CACNG7: variants seen among roughly 807,000 people sequenced by gnomAD.
The protein encoded by CACNG7 is calcium voltage-gated channel auxiliary subunit gamma 7.
Under a neutral mutation model 26.3 loss-of-function variants are expected in CACNG7, and 9 were observed. The ratio of observed to expected loss-of-function variants is 0.34; its 90% CI spans 0.21 to 0.60. CACNG7 has a LOEUF of 0.60. Ranked by LOEUF, CACNG7 falls within the 20% of genes least tolerant of loss-of-function variation. The pLI, the probability that CACNG7 is intolerant of heterozygous loss-of-function variation, is 0.81. For synonymous variants in CACNG7, 170 were observed against 157.0 expected (o/e 1.08, Z -0.62); for missense variants, 297 against 380.4 (o/e 0.78, Z 1.82).
rs372562422 is a variant in CACNG7 at position 53,936,279 on chromosome 19, G to C, written c.425-5191G>C. Among the ~76,000 whole-genome samples, 70 of 152,218 alleles carry C rather than the reference G, an allele frequency of 4.6e-4. No homozygotes were observed. The South Asian group carries it at 0.014, about 31-fold the overall frequency. On this transcript the variant is annotated intron_variant, in intron 4 of 5. Coordinates refer to ENST00000391767, the MANE Select transcript of CACNG7 (RefSeq NM_031896.5). Reference sequence around the variant, plus strand: ...CTCTTCTCTGGAGGCCCGTGGTGTAGGTCTGCCCTGTTGCTGGTGATGTTA... The same window carrying C: ...CTCTTCTCTGGAGGCCCGTGGTGTACGTCTGCCCTGTTGCTGGTGATGTTA...
At chr19:53,935,055 T>C (rs1479749038) in intron 4 of CACNG7, among the ~76,000 whole-genome samples, 1 of 151,630 alleles carries the variant, frequency 6.6e-6, no homozygotes, top group African/African-American at 2.4e-5. Flanking sequence ...TATACATATA[T>C]ACCTATGTAT....
At chr19:53,920,870 TC>T (rs1252579832) in intron 4 of CACNG7, among the ~76,000 whole-genome samples, 3 of 102,266 alleles carry the variant, frequency 2.9e-5, no homozygotes, top group Admixed American at 1.9e-4. Flanking sequence ...CCAGGTCTGG[TC>T]ATTGGTGGAG....
chr19:53,940,900 TA>T lies in CACNG7; in HGVS notation c.425-559del, dbSNP rs538726874. Among the ~76,000 whole-genome samples, 4,216 of 145,944 alleles carry T rather than the reference TA, an allele frequency of 0.029. 104 individuals are homozygous for T. Among genetic ancestry groups the T allele is most frequent in the Middle Eastern group, 0.087 (25 of 288 alleles). ...TGAAACCCCGTCTCTACTAAAAATA[TA>T]AAAAAAAAAATTAGTCGGGAGTGGT... On this transcript the variant is annotated intron_variant, in intron 4 of 5. Transcript: ENST00000391767. The surrounding 1 kb of genome is among the most constrained non-coding windows in gnomAD (Gnocchi z 4.1).
chr19:53,925,368 G>T (rs1599986649), intron 4 of CACNG7, among the ~76,000 whole-genome samples: 1 of 144,394 alleles, frequency 6.9e-6, no homozygotes, highest in Admixed American at 7.0e-5. Context: ...TATTGGTGGA[G>T]TTGCCCCAGG....
At position 53,942,398 on chromosome 19, in the gene CACNG7, C is replaced by T. The variant is rs59451715; in HGVS notation, c.*105C>T. 9,472 of 1,511,774 alleles carry T rather than the reference C, an allele frequency of 6.3e-3. 465 individuals carry two copies. The African/African-American group carries it at 0.11, about 18-fold the overall frequency. 93.6% of individuals were successfully genotyped at this position (1,511,774 alleles called of 1,614,324 possible). A position where few individuals can be genotyped will look rare whatever the true frequency, so the allele number is the denominator to read the frequency against. Reference sequence around the variant, plus strand: ...CGTCCTCGGGACTCCTCGCTCCCACCCGGAGGAGGCTGCGCCAGCTTTAGG... The same window carrying T: ...CGTCCTCGGGACTCCTCGCTCCCACTCGGAGGAGGCTGCGCCAGCTTTAGG... On this transcript the variant is annotated 3_prime_UTR_variant, in exon 6 of 6. Coordinates refer to ENST00000391767, the MANE Select transcript of CACNG7 (RefSeq NM_031896.5). The surrounding 1 kb of genome is among the most constrained non-coding windows in gnomAD (Gnocchi z 5.9).
At position 53,942,233 on chromosome 19, in the gene CACNG7, G is replaced by T; in HGVS notation, c.768G>T (p.Gln256His). The T allele has an allele frequency of 6.2e-7, 1 of 1,613,962 alleles. No individual in the cohort carries two copies. The highest frequency in any genetic ancestry group is 1.1e-5 in the South Asian group (1 of 91,086). Residue 256 changes from glutamine to histidine, a missense_variant, in exon 6 of 6, where the codon CAG (glutamine) becomes CAT (histidine). By Grantham distance (24) the Gln-to-His change is conservative. Coordinates refer to ENST00000391767, the MANE Select transcript of CACNG7 (RefSeq NM_031896.5). The surrounding 1 kb of genome is among the most constrained non-coding windows in gnomAD (Gnocchi z 5.9). ...ISSDVSIQMTQNYPPAIKYPD... is the reference protein window; with the variant it reads ...ISSDVSIQMTHNYPPAIKYPD... Reference sequence around the variant, plus strand: ...GCGACGTGTCCATCCAAATGACGCAGAACTACCCTCCCGCCATCAAGTACC... The same window carrying T: ...GCGACGTGTCCATCCAAATGACGCATAACTACCCTCCCGCCATCAAGTACC...
At chr19:53,941,697 A>T in intron 5 of CACNG7, 82 bp downstream of exon 5, 1 of 1,492,906 alleles carries the variant, frequency 6.7e-7, no homozygotes, top group Non-Finnish European at 9.1e-7. Flanking sequence ...AGGAGGAAGG[A>T]GAGGCTGGAG....
chr19:53,933,002 C>T (rs1002305735), intron 4 of CACNG7, among the ~76,000 whole-genome samples: 2 of 151,898 alleles, frequency 1.3e-5, no homozygotes, highest in Non-Finnish European at 2.9e-5. Context: ...GATGGGGTTT[C>T]GCCATGTTGG....
intron 4 of CACNG7, 98 bp downstream of exon 4, chr19:53,915,603 G>A (rs915468616): frequency 7.2e-7 from 1 of 1,394,652 alleles, no homozygotes. Flanking sequence ...TGTGGCCTGG[G>A]AGGAGGTGCA....
At chr19:53,931,549 G>A (rs2069071417) in intron 4 of CACNG7, among the ~76,000 whole-genome samples, 2 of 151,648 alleles carry the variant, frequency 1.3e-5, no homozygotes, top group African/African-American at 4.8e-5. Context: ...TTAGCCAGGT[G>A]TGGTGGTGCA....
chr19:53,921,291 GT>G (rs1412184866), intron 4 of CACNG7, among the ~76,000 whole-genome samples: 4 of 135,142 alleles, frequency 3.0e-5, no homozygotes, highest in African/African-American at 1.3e-4. Flanking sequence ...GTTGCCTCAG[GT>G]CTGGTCATTG....
At chr19:53,924,247 T>A (rs1162719121) in intron 4 of CACNG7, among the ~76,000 whole-genome samples, 1 of 135,566 alleles carries the variant, frequency 7.4e-6, no homozygotes, top group Admixed American at 7.6e-5. Flanking sequence ...TGGTCATTGG[T>A]GGAGTTGCCC....
At chr19:53,911,243 T>A (rs1043704788) in intron 1 of CACNG7, among the ~76,000 whole-genome samples, 1 of 152,044 alleles carries the variant, frequency 6.6e-6, no homozygotes, top group Non-Finnish European at 1.5e-5. Flanking sequence ...TTTTTGTATT[T>A]TTAGCAGAGA....
chr19:53,921,879 C>T (rs1220964344), intron 4 of CACNG7, among the ~76,000 whole-genome samples: 1 of 107,056 alleles, frequency 9.3e-6, no homozygotes, highest in Admixed American at 8.0e-5. Context: ...GGAGTTGTCC[C>T]AGGCTGGTCA....
intron 4 of CACNG7, among the ~76,000 whole-genome samples, chr19:53,930,518 G>A (rs1438986656): frequency 1.3e-5 from 2 of 152,142 alleles, no homozygotes; most frequent in Admixed American, 6.5e-5. Context: ...GATTGCAGGT[G>A]CCTGCCACCA....
chr19:53,923,907 C>A (rs1222680626), intron 4 of CACNG7, among the ~76,000 whole-genome samples: 3 of 133,652 alleles, frequency 2.2e-5, no homozygotes, highest in African/African-American at 9.2e-5. Flanking sequence ...TGCCCCAGGT[C>A]TGGTCATTGG....
intron 4 of CACNG7, among the ~76,000 whole-genome samples, chr19:53,925,976 G>T (rs994573814): frequency 3.3e-5 from 5 of 152,174 alleles, no homozygotes; most frequent in African/African-American, 1.2e-4. Context: ...GCATGTGCAT[G>T]CCTGTCCCAC....
Position 53,923,200 on chromosome 19 carries a change from T to C in CACNG7, c.424+7695T>C, listed in dbSNP as rs1278085280. The stretch of plus-strand genomic sequence containing the variant: ...CCAGGTCTGGTCATTGGTGGGGTTG[T>C]CCCAGGCTCGTCATTGGTGGAGTTG... On this transcript the variant is annotated intron_variant, in intron 4 of 5. Coordinates refer to ENST00000391767, the MANE Select transcript of CACNG7 (RefSeq NM_031896.5). Among the ~76,000 whole-genome samples the C allele has an allele frequency of 7.2e-5, 4 of 55,572 alleles. 1 individual carries two copies. The highest frequency in any genetic ancestry group is 1.2e-4 in the Non-Finnish European group (4 of 32,220). 36.5% of individuals were successfully genotyped at this position (55,572 alleles called of 152,430 possible).
intron 4 of CACNG7, among the ~76,000 whole-genome samples, chr19:53,920,826 A>G (rs1599974902): frequency 1.6e-5 from 1 of 64,078 alleles, no homozygotes; most frequent in Non-Finnish European, 2.6e-5. Flanking sequence ...TCATTGGTGG[A>G]GTTGTCCCCA....
Sources: allele counts gnomAD v4.1 joint callset (sites outside exome capture counted in the v4.1 genomes callset), GRCh38; gene constraint gnomAD v4.1.1; non-coding constraint Gnocchi (gnomAD v3.1); transcripts MANE v1.5; gene names NCBI Gene and HGNC (gene_info 2026-07-23, HGNC 2026-07-21).